COL5A3: variants seen among roughly 807,000 people sequenced by gnomAD.
The protein encoded by COL5A3 is collagen type V alpha 3 chain, also known as collagen alpha-3(V) chain.
A neutral mutation model predicts 250.0 loss-of-function variants in COL5A3; 172 were observed. The observed-to-expected ratio is 0.69, with a 90% CI of 0.61 to 0.78. COL5A3 has a LOEUF of 0.78. Ranked by LOEUF, COL5A3 falls within the 30% of genes least tolerant of loss-of-function variation. The pLI is 0.00. For synonymous variants in COL5A3, 937 were observed against 900.4 expected (o/e 1.04, Z -0.73); for missense variants, 2,340 against 2,334.4 (o/e 1.00, Z -0.05).
Position 10,003,710 on chromosome 19 carries a change from G to A in COL5A3, c.704C>T (p.Pro235Leu), listed in dbSNP as rs1478735981. Residue 235 changes from proline (P) to leucine (L), a missense_variant, in exon 6 of 67, where the codon CCC becomes CTC. Pro to Leu is a moderately conservative substitution (Grantham distance 98). This residue lies in a region of COL5A3 where 1,152 missense variants were observed against 1,146.3 expected (regional missense o/e 1.00). Transcript: ENST00000264828. ...ACGAGGGGTTTCTGGTTCACCCTGG[G>A]GAGCCTGGGAGAAGGGTTCCAGTCA... Reference protein sequence around the residue: ...DNLAPAATVAPQGEPETPRPR... With the variant: ...DNLAPAATVALQGEPETPRPR... 1.9e-6 allele frequency: 3 copies of A among 1,614,058 alleles called. No homozygotes were observed. The highest frequency in any genetic ancestry group is 2.5e-6 in the Non-Finnish European group (3 of 1,180,030).
Position 9,995,471 on chromosome 19 carries a change from G to A in COL5A3, c.1587+93C>T, listed in dbSNP as rs959201861. On this transcript the variant is annotated intron_variant, in intron 16 of 66. Transcript: ENST00000264828. ...CCTTCAGCACTCTTTTCCCACTAAC[G>A]ACACCAGCAGACCCCAAGGTCACAA... 1.2e-5 allele frequency: 14 copies of A among 1,135,646 alleles called. 1 individual carries two copies. Among genetic ancestry groups the A allele is most frequent in the South Asian group, 5.1e-5 (3 of 59,050 alleles). The allele number at this position is 1,135,646 out of a possible 1,614,324, so 70.3% of individuals were successfully genotyped here.
intron 31 of COL5A3, 29 bp downstream of exon 31, chr19:9,985,813 A>C: frequency 1.2e-6 from 2 of 1,600,012 alleles, no homozygotes; most frequent in Non-Finnish European, 1.7e-6. Context: ...GCCCATATCC[A>C]TCTCCACCCC....
chr19:9,996,927 G>C, intron 11 of COL5A3: 1 of 555,452 alleles, frequency 1.8e-6, no homozygotes. Flanking sequence ...AGAAGGATGG[G>C]GGCAGATGGA....
At chr19:9,967,116 G>A (rs957379724) in intron 62 of COL5A3, among the ~76,000 whole-genome samples, 1 of 152,134 alleles carries the variant, frequency 6.6e-6, no homozygotes, top group African/African-American at 2.4e-5. Flanking sequence ...GGGTCCAAGA[G>A]ACAAGACCCA....
chr19:9,994,819 T>C (rs574795935), intron 16 of COL5A3, among the ~76,000 whole-genome samples: 29 of 151,682 alleles, frequency 1.9e-4, no homozygotes, highest in African/African-American at 6.5e-4. Flanking sequence ...TGTAACACTA[T>C]AGTAAGTATT....
chr19:9,999,469 C>CTTTTTTTTT (rs530527039), intron 8 of COL5A3, among the ~76,000 whole-genome samples: 91 of 120,384 alleles, frequency 7.6e-4, no homozygotes, highest in Non-Finnish European at 9.5e-4. Flanking sequence ...TTTCTTTTTT[C>CTTTTTTTTT]TTTTTTTTTT....
Position 9,997,409 on chromosome 19 carries a change from G to C in COL5A3, c.1225C>G (p.Pro409Ala), listed in dbSNP as rs772669516. 6.2e-7 allele frequency: 1 copy of C among 1,608,948 alleles called. No homozygotes were observed. Among genetic ancestry groups the C allele is most frequent in the African/African-American group, 1.3e-5 (1 of 74,826 alleles). The part of the protein sequence containing the change: ...PQGVVGPSGP[P>A]GPPGFPGDPG... ...TCGCCAGGGAATCCTGGGGGGCCGG[G>C]AGGGCCTGAGGGGCCAACCACCCCC... Residue 409 changes from proline (P) to alanine (A), a missense_variant, in exon 11 of 67, where the codon CCC becomes GCC. By Grantham distance (27) the Pro-to-Ala change is conservative. This residue lies in a region of COL5A3 where 1,152 missense variants were observed against 1,146.3 expected (regional missense o/e 1.00). Transcript: ENST00000264828.
intron 41 of COL5A3, among the ~76,000 whole-genome samples, chr19:9,977,947 C>CACATATATATAT (rs1325124285): frequency 2.8e-5 from 3 of 106,140 alleles, no homozygotes; most frequent in Non-Finnish European, 6.0e-5. Flanking sequence ...GCAGCCTATA[C>CACATATATATAT]ATATATATAT....
At chr19:10,000,452 C>CTTTTTTTTTTTTTTTTT (rs576119335) in intron 8 of COL5A3, among the ~76,000 whole-genome samples, 4 of 62,798 alleles carry the variant, frequency 6.4e-5, no homozygotes, top group Non-Finnish European at 8.7e-5. Context: ...CCAGAGAGCT[C>CTTTTTTTTTTTTTTTTT]TTTTTTTTTT....
chr19:9,965,469 T>C (rs1432785056), intron 64 of COL5A3, among the ~76,000 whole-genome samples: 1 of 151,116 alleles, frequency 6.6e-6, no homozygotes, highest in East Asian at 1.9e-4. Flanking sequence ...TTTTTTTTTT[T>C]TCTAGGCGGA....
chr19:9,967,242 T>A, intron 62 of COL5A3, 105 bp downstream of exon 62: 1 of 768,120 alleles, frequency 1.3e-6, no homozygotes, highest in Non-Finnish European at 1.9e-6. Flanking sequence ...AGTGTGTGCC[T>A]GGCCCAGTGC....
At position 9,968,473 on chromosome 19, in the gene COL5A3, C is replaced by A; in HGVS notation, c.4226G>T (p.Gly1409Val). The A allele has an allele frequency of 1.9e-6, 3 of 1,586,450 alleles. No homozygotes were observed. The highest frequency in any genetic ancestry group is 2.6e-6 in the Non-Finnish European group (3 of 1,172,672). ...KGEKGHIGLI[G>V]LIGPPGEAGE... Reference sequence around the variant, plus strand: ...AGCTTCTCCCGGGGGGCCAATGAGACCGATCAATCCAATGTGGCCCTGAAG... The same window carrying A: ...AGCTTCTCCCGGGGGGCCAATGAGAACGATCAATCCAATGTGGCCCTGAAG... Residue 1409 changes from glycine to valine, a missense_variant, in exon 59 of 67, where the codon GGT (glycine) becomes GTT (valine). By Grantham distance (109) the Gly-to-Val change is moderately radical (BLOSUM62 -3). Transcript: ENST00000264828. This position sits in a 1 kb window ranked among gnomAD's most constrained non-coding sequence, Gnocchi z 4.1.
chr19:10,007,791 C>T (rs1166647208), intron 1 of COL5A3, among the ~76,000 whole-genome samples: 2 of 152,124 alleles, frequency 1.3e-5, no homozygotes, highest in Non-Finnish European at 2.9e-5. Context: ...CCAGACTCCT[C>T]GGAGGCCTGT....
Position 10,006,085 on chromosome 19 carries a change from C to T in COL5A3, c.235G>A (p.Glu79Lys), listed in dbSNP as rs1022262317. Reference sequence around the variant, plus strand: ...TACTCCAACTCACCTGGAAAGAGTTCCCACGTGGGGATGCCGAGCGTGCTG... The same window carrying T: ...TACTCCAACTCACCTGGAAAGAGTTTCCACGTGGGGATGCCGAGCGTGCTG... The part of the protein sequence containing the change: ...QASTLGIPTW[E>K]LFPEGHFPEN... The change falls in exon 2 of 67, where the codon GAA becomes AAA. Residue 79 changes from glutamate to lysine, a missense_variant. Transcript: ENST00000264828. 2 of 1,613,910 alleles carry T rather than the reference C, an allele frequency of 1.2e-6. No homozygotes were observed. The highest frequency in any genetic ancestry group is 2.7e-5 in the African/African-American group (2 of 74,912).
chr19:9,965,342 G>A (rs913154807), intron 64 of COL5A3, among the ~76,000 whole-genome samples: 4 of 151,052 alleles, frequency 2.6e-5, no homozygotes, highest in Non-Finnish European at 5.9e-5. Flanking sequence ...TTTTTTAGTA[G>A]AGACAGGGTT....
chr19:9,962,675 C>T (rs923133144), intron 65 of COL5A3, 144 bp downstream of exon 65: 17 of 610,772 alleles, frequency 2.8e-5, no homozygotes, highest in Non-Finnish European at 3.2e-5. Context: ...ATGCTGCTGC[C>T]ACCCCACCTC....
At chr19:10,004,443 T>A (rs565366321) in intron 4 of COL5A3, among the ~76,000 whole-genome samples, 10 of 152,334 alleles carry the variant, frequency 6.6e-5, no homozygotes, top group Non-Finnish European at 1.0e-4. Flanking sequence ...GTTCAAGTGA[T>A]TCTCAGCCTC....
intron 32 of COL5A3, among the ~76,000 whole-genome samples, chr19:9,981,462 T>C (rs920833734): frequency 4.6e-5 from 7 of 152,204 alleles, no homozygotes; most frequent in African/African-American, 1.7e-4. Context: ...AGCCTGAAGA[T>C]GACACAGAAC....
At chr19:9,987,563 C>T (rs1429235846) in intron 27 of COL5A3, among the ~76,000 whole-genome samples, 1 of 151,170 alleles carries the variant, frequency 6.6e-6, no homozygotes, top group African/African-American at 2.4e-5. Context: ...ACAGGAAAAC[C>T]TCATCTATAC....
Sources: gnomAD v4.1 joint callset for allele counts (sites outside exome capture counted in the v4.1 genomes callset) on GRCh38, gnomAD v4.1.1 for gene constraint, gnomAD v4.1.1 regional missense constraint, Gnocchi (gnomAD v3.1) non-coding constraint, MANE v1.5 for transcripts, NCBI Gene and HGNC (gene_info 2026-07-23, HGNC 2026-07-21) for gene names.